The following CDH13 variants were observed in gnomAD, a reference collection of about 807,000 sequenced individuals.
CDH13 encodes the protein cadherin-13.
Under a neutral mutation model 63.8 loss-of-function variants are expected in CDH13, and 24 were observed. The observed-to-expected ratio is 0.38, with a 90% CI of 0.27 to 0.53. The LOEUF is 0.53. Among genes scored for constraint, CDH13 ranks in the 20% least tolerant of loss-of-function variants. The pLI, the probability that CDH13 is intolerant of heterozygous loss-of-function variation, is 0.85. For missense variants in CDH13, 1,049 were observed against 903.1 expected, an observed-to-expected ratio of 1.16 and a Z score of -2.07; for synonymous variants, 503 against 355.3, an observed-to-expected ratio of 1.42 and a Z score of -4.67.
intron 6 of CDH13, among the ~76,000 whole-genome samples, chr16:83,406,564 A>C (rs1032161965): frequency 6.6e-6 from 1 of 152,010 alleles, no homozygotes; most frequent in Non-Finnish European, 1.5e-5. Flanking sequence ...CCTGGGTTCC[A>C]GCGATTCTCC....
intron 7 of CDH13, among the ~76,000 whole-genome samples, chr16:83,548,849 G>T (rs2075436859): frequency 6.6e-6 from 1 of 151,998 alleles, no homozygotes; most frequent in Non-Finnish European, 1.5e-5. Flanking sequence ...TATGATCCTT[G>T]CATTAGAATG....
intron 3 of CDH13, among the ~76,000 whole-genome samples, chr16:83,036,596 G>C (rs1007458228): frequency 2.0e-5 from 3 of 152,120 alleles, no homozygotes; most frequent in Non-Finnish European, 4.4e-5. Context: ...GACCAGCTCA[G>C]TGCCCTTCCC....
chr16:82,971,003 G>T (rs1908658215), intron 2 of CDH13, among the ~76,000 whole-genome samples: 1 of 152,164 alleles, frequency 6.6e-6, no homozygotes, highest in Admixed American at 6.5e-5. Flanking sequence ...ATCCATAGCA[G>T]ACACTGTAGG....
At chr16:82,746,624 C>G (rs1280046707) in intron 1 of CDH13, among the ~76,000 whole-genome samples, 2 of 152,004 alleles carry the variant, frequency 1.3e-5, no homozygotes, top group East Asian at 1.9e-4. Context: ...AAGAGGCATA[C>G]TAGAAGAAAT....
chr16:83,739,086 A>C (rs1911813002), intron 10 of CDH13, among the ~76,000 whole-genome samples: 1 of 152,164 alleles, frequency 6.6e-6, no homozygotes, highest in Non-Finnish European at 1.5e-5. Context: ...CTCAGCTGGT[A>C]TGTAGAATCT....
In CDH13 at chr16:83,379,060, A is replaced by G. The variant is rs529951819; in HGVS notation, c.781+34054A>G. Among the ~76,000 whole-genome samples the G allele has an allele frequency of 9.9e-5, 15 of 152,170 alleles. No individual in the cohort carries two copies. In the South Asian group the frequency reaches 3.1e-3, roughly 32 times the overall value. On this transcript the variant is annotated intron_variant, in intron 6 of 13. Coordinates refer to ENST00000567109, the MANE Select transcript of CDH13 (RefSeq NM_001257.5). Reference sequence around the variant, plus strand: ...ATAACATATGCTTATCCTTGATGTCATATTTACCCATGATTTTTATTTTAA... The same window carrying G: ...ATAACATATGCTTATCCTTGATGTCGTATTTACCCATGATTTTTATTTTAA...
chr16:83,512,755 G>A (rs905219166), intron 7 of CDH13, among the ~76,000 whole-genome samples: 1 of 152,006 alleles, frequency 6.6e-6, no homozygotes, highest in East Asian at 1.9e-4. Context: ...TTTCACAGGG[G>A]CACCGATCTA....
intron 6 of CDH13, among the ~76,000 whole-genome samples, chr16:83,367,903 C>T (rs2091286527): frequency 6.6e-6 from 1 of 152,172 alleles, no homozygotes; most frequent in African/African-American, 2.4e-5. Flanking sequence ...AATATTGAGT[C>T]TTCCCATCCA....
At chr16:83,115,153 G>T (rs777571059) in intron 3 of CDH13, among the ~76,000 whole-genome samples, 8 of 152,168 alleles carry the variant, frequency 5.3e-5, no homozygotes, top group Non-Finnish European at 8.8e-5. Context: ...AGCAACCCTG[G>T]GGAGGTTTAT....
chr16:83,284,591 G>A (rs76176371), intron 5 of CDH13, among the ~76,000 whole-genome samples: 11,325 of 152,148 alleles, frequency 0.074, 597 homozygotes, highest in Non-Finnish European at 0.11. Context: ...ACTACCAGCC[G>A]TGTCTGAGGC....
intron 7 of CDH13, among the ~76,000 whole-genome samples, chr16:83,515,416 A>G (rs1411670950): frequency 6.6e-6 from 1 of 152,186 alleles, no homozygotes; most frequent in African/African-American, 2.4e-5. Context: ...AACAGTCAAG[A>G]CTGCTTTTCA....
At chr16:83,327,597 G>C (rs554363412) in intron 5 of CDH13, among the ~76,000 whole-genome samples, 1 of 152,150 alleles carries the variant, frequency 6.6e-6, no homozygotes. Context: ...CTTCTAGTAG[G>C]CATTACAGAC....
chr16:83,279,346 G>T (rs2089090879), intron 5 of CDH13, among the ~76,000 whole-genome samples: 1 of 152,134 alleles, frequency 6.6e-6, no homozygotes, highest in Non-Finnish European at 1.5e-5. Flanking sequence ...TCTTGAGTTT[G>T]AATTTAAAAT....
intron 2 of CDH13, among the ~76,000 whole-genome samples, chr16:82,988,790 A>G (rs1911287448): frequency 6.6e-6 from 1 of 150,696 alleles, no homozygotes; most frequent in Non-Finnish European, 1.5e-5. Context: ...GCGAGTAATG[A>G]AGGGCAGATT....
At chr16:82,721,469 G>A (rs1018667603) in intron 1 of CDH13, among the ~76,000 whole-genome samples, 2 of 152,088 alleles carry the variant, frequency 1.3e-5, no homozygotes, top group Non-Finnish European at 2.9e-5. Context: ...ATAGGTATGG[G>A]CACATGGAAG....
At chr16:82,842,014 G>A (rs1028386989) in intron 1 of CDH13, among the ~76,000 whole-genome samples, 2 of 149,236 alleles carry the variant, frequency 1.3e-5, no homozygotes, top group Non-Finnish European at 3.0e-5. Context: ...GGATGCCCTT[G>A]GGTACCCCTC....
chr16:82,814,299 G>A (rs1294405466), intron 1 of CDH13, among the ~76,000 whole-genome samples: 1 of 152,096 alleles, frequency 6.6e-6, no homozygotes, highest in Non-Finnish European at 1.5e-5. Flanking sequence ...GCTCTAATGA[G>A]TTGACTTGTG....
At chr16:83,075,668 A>G (rs1485989468) in intron 3 of CDH13, among the ~76,000 whole-genome samples, 1 of 152,206 alleles carries the variant, frequency 6.6e-6, no homozygotes, top group Non-Finnish European at 1.5e-5. Flanking sequence ...CGGTCCCGGC[A>G]AAGTAATTAC....
At chr16:82,672,196 A>T (rs12931705) in intron 1 of CDH13, among the ~76,000 whole-genome samples, 4 of 152,244 alleles carry the variant, frequency 2.6e-5, no homozygotes, top group Non-Finnish European at 5.9e-5. Flanking sequence ...TAATCTGTAA[A>T]ACAGGAATAA....
Sources: allele counts gnomAD v4.1 joint callset (sites outside exome capture counted in the v4.1 genomes callset), GRCh38; gene constraint gnomAD v4.1.1; transcripts MANE v1.5; gene names NCBI Gene and HGNC (gene_info 2026-07-23, HGNC 2026-07-21).